PLCB4: variants seen among roughly 807,000 people sequenced by gnomAD.
The protein encoded by PLCB4 is 1-phosphatidylinositol 4,5-bisphosphate phosphodiesterase beta-4.
In PLCB4, 77 loss-of-function variants were observed where a neutral mutation model predicts 178.8. The observed-to-expected ratio is 0.43, with a 90% CI of 0.36 to 0.52. PLCB4 has a LOEUF of 0.52. Among genes scored for constraint, PLCB4 ranks in the 20% least tolerant of loss-of-function variants. The probability of loss-of-function intolerance (pLI) is 0.00; values close to 1 mark genes in which losing one functional copy is unlikely to be tolerated. For missense variants in PLCB4, 1,024 were observed against 1,453.4 expected (o/e 0.70, Z 4.80); for synonymous variants, 496 against 490.8 (o/e 1.01, Z -0.14).
At chr20:9,225,408 A>G (rs1271526446) in intron 3 of PLCB4, among the ~76,000 whole-genome samples, 1 of 152,182 alleles carries the variant, frequency 6.6e-6, no homozygotes, top group South Asian at 2.1e-4. Flanking sequence ...TAATTGTTCT[A>G]CCTTCAGTTT....
intron 3 of PLCB4, among the ~76,000 whole-genome samples, chr20:9,284,717 GA>G (rs1172387560): frequency 6.6e-6 from 1 of 151,750 alleles, no homozygotes; most frequent in African/African-American, 2.4e-5. Context: ...TCTTCCACAG[GA>G]AATAGATAAA....
At chr20:9,473,425 G>A (rs890554152) in intron 38 of PLCB4, 60 bp downstream of exon 38, 7 of 926,104 alleles carry the variant, frequency 7.6e-6, no homozygotes, top group African/African-American at 1.7e-5. Context: ...GGATACACAT[G>A]CCATGGCCCA....
chr20:9,100,162 G>A (rs2091086235), intron 2 of PLCB4, among the ~76,000 whole-genome samples: 1 of 152,124 alleles, frequency 6.6e-6, no homozygotes, highest in East Asian at 1.9e-4. Flanking sequence ...CATCACTGGT[G>A]CGGGCAGGAG....
Position 9,419,884 on chromosome 20 carries a change from T to C in PLCB4, c.2129T>C (p.Val710Ala). The C allele has an allele frequency of 6.2e-7, 1 of 1,613,374 alleles. No homozygotes were observed. The highest frequency in any genetic ancestry group is 1.1e-5 in the South Asian group (1 of 91,064). Reference sequence around the variant, plus strand: ...TTCTCTGAAACTCCTGTTGATGGTGTTATTGCAGCCACTTGCTCAGTGCAG... The same window carrying C: ...TTCTCTGAAACTCCTGTTGATGGTGCTATTGCAGCCACTTGCTCAGTGCAG... ...DPFSETPVDG[V>A]IAATCSVQVI... The change falls in exon 26 of 40, where the codon GTT becomes GCT. Residue 710 changes from valine to alanine, a missense_variant. Physicochemically the swap from Val to Ala is moderately conservative, Grantham distance 64. Coordinates refer to ENST00000378473, the MANE Select transcript of PLCB4 (RefSeq NM_001377142.1).
chr20:9,128,223 A>G (rs1244878646), intron 2 of PLCB4, among the ~76,000 whole-genome samples: 1 of 151,214 alleles, frequency 6.6e-6, no homozygotes, highest in Non-Finnish European at 1.5e-5. Flanking sequence ...TCTCAGTCCC[A>G]CTCTTTCCAT....
chr20:9,328,016 T>G (rs1335674894), intron 4 of PLCB4, among the ~76,000 whole-genome samples: 1 of 152,208 alleles, frequency 6.6e-6, no homozygotes, highest in Non-Finnish European at 1.5e-5. Context: ...GAGTTGGTTT[T>G]TATGCTTACA....
chr20:9,105,892 A>G lies in PLCB4; in HGVS notation c.-79+9550A>G, dbSNP rs1182089343. Among the ~76,000 whole-genome samples, 7 of 152,218 alleles carry G rather than the reference A, an allele frequency of 4.6e-5. No homozygotes were observed. In the East Asian group the frequency reaches 1.4e-3, roughly 29 times the overall value. ...ATAAATATTTTTACAATTTATGTGT[A>G]TGTGGGGAAGTCATCTCTAACTAGA... On this transcript the variant is annotated intron_variant, in intron 2 of 39. Transcript: ENST00000378473.
intron 3 of PLCB4, among the ~76,000 whole-genome samples, chr20:9,258,584 G>A (rs1291126040): frequency 2.0e-5 from 3 of 151,942 alleles, no homozygotes; most frequent in Admixed American, 1.3e-4. Flanking sequence ...GTGTGGTGGC[G>A]TGTGCCTGTA....
intron 3 of PLCB4, among the ~76,000 whole-genome samples, chr20:9,261,369 A>G (rs1386096399): frequency 6.6e-6 from 1 of 152,230 alleles, no homozygotes; most frequent in Non-Finnish European, 1.5e-5. Context: ...ATCCAGATAT[A>G]AACACTAATA....
chr20:9,122,793 G>A (rs1333493261), intron 2 of PLCB4, among the ~76,000 whole-genome samples: 2 of 152,130 alleles, frequency 1.3e-5, no homozygotes, highest in Non-Finnish European at 2.9e-5. Context: ...GTTGTAATGA[G>A]CTGTCAATTA....
At position 9,480,002 on chromosome 20, in the gene PLCB4, C is replaced by A. The variant is rs573728261; in HGVS notation, c.*993C>A. On this transcript the variant is annotated 3_prime_UTR_variant, in exon 40 of 40. Coordinates refer to ENST00000378473, the MANE Select transcript of PLCB4 (RefSeq NM_001377142.1). ...TCAAGACTTTTAGCATAATGAAAAA[C>A]CCTCTCTCTATATATATATGTGTAT... 7.2e-5 allele frequency: 11 copies of A among 152,098 alleles called. No individual in the cohort carries two copies. The highest frequency in any genetic ancestry group is 2.7e-4 in the African/African-American group (11 of 41,356). The allele number at this position is 152,098 out of a possible 1,614,324, so 9.4% of individuals were successfully genotyped here.
intron 3 of PLCB4, among the ~76,000 whole-genome samples, chr20:9,262,583 ACT>A (rs1385976127): frequency 6.6e-6 from 1 of 152,156 alleles, no homozygotes; most frequent in Non-Finnish European, 1.5e-5. Flanking sequence ...AAGAGTTGAC[ACT>A]GTCTGGCATT....
At chr20:9,258,245 C>A (rs982539709) in intron 3 of PLCB4, among the ~76,000 whole-genome samples, 1 of 152,108 alleles carries the variant, frequency 6.6e-6, no homozygotes, top group African/African-American at 2.4e-5. Flanking sequence ...TAACATTATT[C>A]ACATTTTTAT....
intron 4 of PLCB4, among the ~76,000 whole-genome samples, chr20:9,328,959 G>T (rs1003212987): frequency 4.6e-5 from 7 of 152,158 alleles, no homozygotes; most frequent in African/African-American, 1.7e-4. Context: ...TTAAGGAGGG[G>T]GTATGTGATT....
At chr20:9,144,086 T>C (rs979457140) in intron 2 of PLCB4, among the ~76,000 whole-genome samples, 5 of 152,172 alleles carry the variant, frequency 3.3e-5, no homozygotes, top group African/African-American at 1.2e-4. Flanking sequence ...GTATCACTTT[T>C]ATCTTTTCCC....
At chr20:9,330,305 G>A (rs773381499) in intron 4 of PLCB4, among the ~76,000 whole-genome samples, 1 of 151,160 alleles carries the variant, frequency 6.6e-6, no homozygotes, top group South Asian at 2.1e-4. Flanking sequence ...GATCCTTTAT[G>A]GCCTCTTCCT....
chr20:9,393,436 G>A, intron 17 of PLCB4, 152 bp from the exon 18 acceptor site: 1 of 586,972 alleles, frequency 1.7e-6, no homozygotes, highest in East Asian at 2.8e-5. Flanking sequence ...TGCTAATTTG[G>A]GTTGGGGAGT....
chr20:9,373,458 G>A (rs972029733), intron 12 of PLCB4, among the ~76,000 whole-genome samples: 2 of 152,216 alleles, frequency 1.3e-5, no homozygotes, highest in African/African-American at 4.8e-5. Context: ...AATAGAAAGA[G>A]AATGGATTGA....
intron 2 of PLCB4, among the ~76,000 whole-genome samples, chr20:9,175,445 G>A (rs1347713499): frequency 6.6e-6 from 1 of 152,134 alleles, no homozygotes; most frequent in African/African-American, 2.4e-5. Context: ...AATTGTCCAA[G>A]TAACCTTATT....
Sources: allele counts gnomAD v4.1 joint callset (sites outside exome capture counted in the v4.1 genomes callset), GRCh38; gene constraint gnomAD v4.1.1; transcripts MANE v1.5; gene names NCBI Gene and HGNC (gene_info 2026-07-23, HGNC 2026-07-21).